Variants in TRIM37 observed in about 807,000 individuals in gnomAD.
TRIM37 encodes the protein tripartite motif containing 37.
Under a neutral mutation model 129.8 loss-of-function variants are expected in TRIM37, and 80 were observed. That is an observed-to-expected ratio of 0.62 (90% CI 0.51 to 0.74). TRIM37 has a LOEUF of 0.74. Among genes scored for constraint, TRIM37 ranks in the 30% least tolerant of loss-of-function variants. The probability of loss-of-function intolerance (pLI) is 0.00; values close to 1 mark genes in which losing one functional copy is unlikely to be tolerated. For missense variants in TRIM37, 1,054 were observed against 1,176.5 expected (o/e 0.90, Z 1.52); for synonymous variants, 389 against 387.1 (o/e 1.00, Z -0.06).
the TRIM37 span, among the ~76,000 whole-genome samples, chr17:58,974,460 A>T: frequency 6.6e-6 from 1 of 152,258 alleles, no homozygotes; most frequent in Non-Finnish European, 1.5e-5. Flanking sequence ...CGTAGAGATT[A>T]AACAGCTAAG....
intron 18 of TRIM37, among the ~76,000 whole-genome samples, chr17:59,030,108 C>T (rs1236126879): frequency 6.6e-6 from 1 of 152,142 alleles, no homozygotes; most frequent in East Asian, 1.9e-4. Flanking sequence ...TGTCTGTATT[C>T]CAGTTCATTT....
chr17:59,048,767 T>C (rs1163778117), intron 15 of TRIM37, among the ~76,000 whole-genome samples: 5 of 152,146 alleles, frequency 3.3e-5, no homozygotes, highest in African/African-American at 1.2e-4. Context: ...CAGCTAATTT[T>C]TGTATTTTTC....
chr17:59,017,216 C>A (rs1294487968), intron 20 of TRIM37, 80 bp downstream of exon 20: 1 of 1,560,884 alleles, frequency 6.4e-7, no homozygotes, highest in Non-Finnish European at 8.8e-7. Flanking sequence ...CCTTCAAGAT[C>A]TAAAGCTCCA....
rs1567924727 is a variant in TRIM37 at position 58,998,292 on chromosome 17, CG to C, written c.*1084del. The C allele has an allele frequency of 3.0e-6, 3 of 985,188 alleles. No individual in the cohort carries two copies. The highest frequency in any genetic ancestry group is 3.5e-5 in the African/African-American group (2 of 57,214). 61.0% of individuals were successfully genotyped at this position (985,188 alleles called of 1,614,324 possible). A position where few individuals can be genotyped will look rare whatever the true frequency, so the allele number is the denominator to read the frequency against. On this transcript the variant is annotated 3_prime_UTR_variant, in exon 24 of 24. Transcript: ENST00000262294. Reference sequence around the variant, plus strand: ...ACAGCATTCAGCAAGACATCAGACACGGAAGAGTGAACAATATTCACTAAGT... The same window carrying C: ...ACAGCATTCAGCAAGACATCAGACACGAAGAGTGAACAATATTCACTAAGT...
At chr17:59,063,580 T>C (rs1324550049) in intron 10 of TRIM37, among the ~76,000 whole-genome samples, 2 of 152,218 alleles carry the variant, frequency 1.3e-5, no homozygotes, top group South Asian at 2.1e-4. Context: ...CAAAGACAAA[T>C]TGCTAAGAAC....
intron 16 of TRIM37, among the ~76,000 whole-genome samples, chr17:59,045,503 G>C (rs1164731283): frequency 6.6e-6 from 1 of 151,422 alleles, no homozygotes; most frequent in Non-Finnish European, 1.5e-5. Context: ...GCTGGGTGTG[G>C]TGGTGGGTGC....
chr17:58,970,354 A>T, the TRIM37 span, among the ~76,000 whole-genome samples: 1 of 152,218 alleles, frequency 6.6e-6, no homozygotes, highest in Non-Finnish European at 1.5e-5. Context: ...AAGTAAAAAA[A>T]TTAATCTAAT....
At position 59,106,629 on chromosome 17, in the gene TRIM37, G is replaced by T; in HGVS notation, c.-168C>A. 1.3e-6 allele frequency: 1 copy of T among 764,550 alleles called. No homozygotes were observed. 47.4% of individuals were successfully genotyped at this position (764,550 alleles called of 1,614,324 possible). A position where few individuals can be genotyped will look rare whatever the true frequency, so the allele number is the denominator to read the frequency against. On this transcript the variant is annotated 5_prime_UTR_variant, in exon 1 of 24. Coordinates refer to ENST00000262294, the MANE Select transcript of TRIM37 (RefSeq NM_015294.6). ...CGCGCCCCATCTCTTCAGGTCCAGC[G>T]CCGCCTACCCCCATTTCGCCATTTT...
Position 59,095,869 on chromosome 17 carries a change from C to T in TRIM37, c.124-4529G>A, listed in dbSNP as rs182036978. 1.4e-4 allele frequency among the ~76,000 whole-genome samples: 21 copies of T among 152,238 alleles called. 1 individual carries two copies. In the East Asian group the frequency reaches 4.1e-3, roughly 29 times the overall value. On this transcript the variant is annotated intron_variant, in intron 2 of 23. Transcript: ENST00000262294. ...AAGTAGCTGAGGCTACAGGTGTGCC[C>T]ACCACATCCAGCTAATTTTTTAATT...
At chr17:59,062,745 T>C (rs898331406) in intron 10 of TRIM37, 97 bp from the exon 11 acceptor site, 1 of 952,670 alleles carries the variant, frequency 1.0e-6, no homozygotes, top group Non-Finnish European at 1.7e-6. Context: ...TGTTACATAC[T>C]TGAAATCCTA....
chr17:59,103,514 G>C (rs2045713564), intron 2 of TRIM37, among the ~76,000 whole-genome samples: 1 of 151,592 alleles, frequency 6.6e-6, no homozygotes, highest in African/African-American at 2.4e-5. Context: ...GCTAATTTTT[G>C]TATTTTTAGT....
chr17:59,015,898 G>C (rs2035872045), intron 20 of TRIM37, 99 bp from the exon 21 acceptor site: 2 of 1,178,130 alleles, frequency 1.7e-6, no homozygotes, highest in South Asian at 1.3e-5. Context: ...AGGATCACTT[G>C]AACCTGGGAG....
chr17:59,029,070 G>T (rs902678199), intron 18 of TRIM37, among the ~76,000 whole-genome samples: 2 of 151,918 alleles, frequency 1.3e-5, no homozygotes, highest in Admixed American at 6.6e-5. Context: ...TGAAAAAAAA[G>T]ACAAAGAAAA....
At chr17:59,017,576 T>C in intron 19 of TRIM37, 152 bp from the exon 20 acceptor site, 2 of 1,068,786 alleles carry the variant, frequency 1.9e-6, no homozygotes, top group Non-Finnish European at 2.8e-6. Flanking sequence ...CCAATTGGTT[T>C]AGACTTTTGT....
chr17:59,040,778 G>A (rs1403853932), intron 17 of TRIM37, among the ~76,000 whole-genome samples: 1 of 152,094 alleles, frequency 6.6e-6, no homozygotes, highest in Non-Finnish European at 1.5e-5. Flanking sequence ...CGGGCGCGGT[G>A]GCTCACGCCT....
In TRIM37 at chr17:59,001,624, A is replaced by G. The variant is rs201756873; in HGVS notation, c.2786T>C (p.Met929Thr). 5 of 1,614,056 alleles carry G rather than the reference A, an allele frequency of 3.1e-6. No individual in the cohort carries two copies. The African/African-American group carries it at 5.3e-5, about 17-fold the overall frequency. ...TSVGGFHDSF[M>T]VMTQPPDEDT... ...TTCATCCGGGGGCTGTGTCATGACC[A>G]TGAAGGAGTCGTGAAACCCGCCCAC... The change falls in exon 23 of 24, where the codon ATG becomes ACG. Residue 929 changes from methionine to threonine, a missense_variant. Transcript: ENST00000262294.
intron 2 of TRIM37, among the ~76,000 whole-genome samples, chr17:59,092,286 C>T (rs1268650739): frequency 2.6e-5 from 4 of 151,652 alleles, no homozygotes; most frequent in Non-Finnish European, 4.4e-5. Flanking sequence ...ATAATCCCAG[C>T]TACTCGGGAG....
At chr17:59,105,744 C>A in intron 1 of TRIM37, among the ~76,000 whole-genome samples, 1 of 152,130 alleles carries the variant, frequency 6.6e-6, no homozygotes, top group East Asian at 1.9e-4. Context: ...TACTGAATGA[C>A]TAGTTTCAAG....
chr17:59,087,353 C>G (rs2043849859), intron 4 of TRIM37, among the ~76,000 whole-genome samples: 1 of 152,088 alleles, frequency 6.6e-6, no homozygotes, highest in African/African-American at 2.4e-5. Flanking sequence ...CCTCGGCTTC[C>G]CAAAGTGCTG....
Sources: allele counts gnomAD v4.1 joint callset (sites outside exome capture counted in the v4.1 genomes callset), GRCh38; gene constraint gnomAD v4.1.1; transcripts MANE v1.5; gene names NCBI Gene and HGNC (gene_info 2026-07-23, HGNC 2026-07-21).